TNIK: variants seen among roughly 807,000 people sequenced by gnomAD.
TNIK encodes TRAF2 and NCK interacting kinase, also known as TRAF2 and NCK-interacting protein kinase.
In TNIK, 49 loss-of-function variants were observed where a neutral mutation model predicts 191.3. That is an observed-to-expected ratio of 0.26 (90% CI 0.20 to 0.32). The LOEUF (loss-of-function observed/expected upper bound fraction) is 0.32, where lower values mean the gene tolerates loss of function less well. TNIK is among the 10% of genes least tolerant of loss of function. TNIK has a pLI of 1.00. For synonymous variants in TNIK, 594 were observed against 600.9 expected, an observed-to-expected ratio of 0.99 and a Z score of 0.17; for missense variants, 1,155 against 1,702.3, an observed-to-expected ratio of 0.68 and a Z score of 5.66.
In TNIK at chr3:171,377,818, C is replaced by T. The variant is rs200846249; in HGVS notation, c.58-8133G>A. 1.4e-3 allele frequency among the ~76,000 whole-genome samples: 207 copies of T among 152,334 alleles called. 1 individual carries two copies. The highest frequency in any genetic ancestry group is 4.7e-3 in the African/African-American group (194 of 41,584). Reference sequence around the variant, plus strand: ...GGCAGTGCTTAATAAATAATGGCTACAGACATACTGCTCTTGCTGGTGGTA... The same window carrying T: ...GGCAGTGCTTAATAAATAATGGCTATAGACATACTGCTCTTGCTGGTGGTA... On this transcript the variant is annotated intron_variant, in intron 1 of 32. Transcript: ENST00000436636.
At chr3:171,374,620 G>T (rs990341076) in intron 1 of TNIK, among the ~76,000 whole-genome samples, 1 of 152,122 alleles carries the variant, frequency 6.6e-6, no homozygotes, top group Non-Finnish European at 1.5e-5. Context: ...TTGCTGGGAG[G>T]GTGAGAAGAG....
At chr3:171,326,642 A>G (rs1268838759) in intron 2 of TNIK, among the ~76,000 whole-genome samples, 2 of 152,254 alleles carry the variant, frequency 1.3e-5, no homozygotes, top group Non-Finnish European at 2.9e-5. Context: ...TTGCTGCACC[A>G]GAATTTCTAA....
At chr3:171,454,218 C>T (rs1289878917) in intron 1 of TNIK, among the ~76,000 whole-genome samples, 3 of 152,144 alleles carry the variant, frequency 2.0e-5, no homozygotes, top group Non-Finnish European at 4.4e-5. Flanking sequence ...GCATGGCGGC[C>T]ATGATTCAAT....
At chr3:171,161,189 T>C in intron 11 of TNIK, 81 bp downstream of exon 11, 1 of 1,468,406 alleles carries the variant, frequency 6.8e-7, no homozygotes, top group Non-Finnish European at 9.4e-7. Flanking sequence ...AAAACGAACC[T>C]ATAAATCAAA....
intron 26 of TNIK, among the ~76,000 whole-genome samples, chr3:171,083,573 C>T (rs924682413): frequency 2.2e-4 from 33 of 152,108 alleles, no homozygotes; most frequent in Non-Finnish European, 3.5e-4. Context: ...ATCTTTTTCA[C>T]GAGAAAATGC....
intron 8 of TNIK, among the ~76,000 whole-genome samples, chr3:171,175,936 T>G (rs1341334978): frequency 2.6e-5 from 4 of 152,210 alleles, no homozygotes; most frequent in Non-Finnish European, 4.4e-5. Context: ...CCCAGAGGAT[T>G]AAGTCACACA....
chr3:171,059,541 T>G lies in TNIK; in HGVS notation c.*4340A>C, dbSNP rs985971022. Among the ~76,000 whole-genome samples, 1 of 152,164 alleles carries G rather than the reference T, an allele frequency of 6.6e-6. No individual in the cohort carries two copies. Among genetic ancestry groups the G allele is most frequent in the Non-Finnish European group, 1.5e-5 (1 of 68,006 alleles). ...AAAATGTTTGGTAGGAATATACAAA[T>G]TGTCAGTTTTGAACTTGCAAATTCT... On this transcript the variant is annotated 3_prime_UTR_variant, in exon 33 of 33. Transcript: ENST00000436636.
chr3:171,072,179 C>T (rs905493200), intron 28 of TNIK, among the ~76,000 whole-genome samples: 2 of 152,100 alleles, frequency 1.3e-5, no homozygotes, highest in African/African-American at 2.4e-5. Flanking sequence ...GATTCTAATT[C>T]TTAGAGAATT....
chr3:171,368,989 A>T (rs955423788), intron 2 of TNIK, among the ~76,000 whole-genome samples: 3 of 151,226 alleles, frequency 2.0e-5, no homozygotes, highest in Non-Finnish European at 4.4e-5. Flanking sequence ...ATTTTCAACC[A>T]GCCATTTTTC....
rs1486791169 is a variant in TNIK, at chr3:171,172,741, A to G, written c.773+2511T>C. Among the ~76,000 whole-genome samples the G allele has an allele frequency of 2.0e-5, 3 of 152,264 alleles. No homozygotes were observed. In the East Asian group the frequency reaches 5.8e-4, roughly 29 times the overall value. ...TTACTTTTCCTTTCCCTGTCTGACA[A>G]TATGGGACTTGTTCCCATAGCTTTC... is the stretch of plus-strand genomic sequence containing the variant. On this transcript the variant is annotated intron_variant, in intron 9 of 32. Coordinates refer to ENST00000436636, the MANE Select transcript of TNIK (RefSeq NM_015028.4).
chr3:171,118,210 A>G (rs932217746), intron 18 of TNIK, among the ~76,000 whole-genome samples: 3 of 152,322 alleles, frequency 2.0e-5, no homozygotes, highest in African/African-American at 4.8e-5. Flanking sequence ...AGAATAAAAT[A>G]CCTAGGAATC....
chr3:171,408,565 C>A (rs1223587679), intron 1 of TNIK, among the ~76,000 whole-genome samples: 1 of 152,200 alleles, frequency 6.6e-6, no homozygotes, highest in Non-Finnish European at 1.5e-5. Flanking sequence ...CAGCATCTGG[C>A]ATCATTGACT....
chr3:171,097,517 T>C (rs1722884318), intron 22 of TNIK, among the ~76,000 whole-genome samples: 1 of 152,178 alleles, frequency 6.6e-6, no homozygotes, highest in Non-Finnish European at 1.5e-5. Context: ...TGGGAGGTAA[T>C]TGAATCATGG....
chr3:171,132,103 C>T (rs1038453296), intron 15 of TNIK, among the ~76,000 whole-genome samples: 2 of 152,194 alleles, frequency 1.3e-5, no homozygotes, highest in South Asian at 2.1e-4. Context: ...CAACTGCCTG[C>T]TTCCAAGAAG....
Position 171,123,681 on chromosome 3 carries a change from T to C in TNIK, c.2035A>G (p.Ile679Val), listed in dbSNP as rs1357680030. 1.3e-6 allele frequency: 2 copies of C among 1,572,618 alleles called. No individual in the cohort carries two copies. The highest frequency in any genetic ancestry group is 2.3e-5 in the East Asian group (1 of 43,546). Residue 679 changes from isoleucine to valine, a missense_variant, in exon 18 of 33, where the codon ATA becomes GTA. Transcript: ENST00000436636. The part of the protein sequence containing the change: ...PPKVPQRTTS[I>V]SPALARKNSP... ...TTCTTTCTGGCTAATGCTGGGGATA[T>C]AGAAGTTGTTCTTTGAGGCACCTGG...
chr3:171,292,916 C>T (rs917066353), intron 2 of TNIK, among the ~76,000 whole-genome samples: 1 of 151,968 alleles, frequency 6.6e-6, no homozygotes, highest in Admixed American at 6.6e-5. Flanking sequence ...TAGACTCTTT[C>T]TTCTTGCCAC....
intron 2 of TNIK, among the ~76,000 whole-genome samples, chr3:171,358,638 A>G (rs1023721323): frequency 1.3e-5 from 2 of 152,298 alleles, no homozygotes; most frequent in African/African-American, 4.8e-5. Context: ...GTGGACTTCT[A>G]CCTGAGAAGG....
At chr3:171,225,605 T>C (rs1440938952) in intron 3 of TNIK, 1 of 456,572 alleles carries the variant, frequency 2.2e-6, no homozygotes. Flanking sequence ...AGATGCTTAA[T>C]GAAACCCAGT....
At chr3:171,246,371 A>G (rs373725755) in intron 2 of TNIK, among the ~76,000 whole-genome samples, 36 of 152,276 alleles carry the variant, frequency 2.4e-4, no homozygotes, top group African/African-American at 8.7e-4. Context: ...GCTGGAAATA[A>G]TAGATAGTCT....
Sources: gnomAD v4.1 joint callset for allele counts (sites outside exome capture counted in the v4.1 genomes callset) on GRCh38, gnomAD v4.1.1 for gene constraint, MANE v1.5 for transcripts, NCBI Gene and HGNC (gene_info 2026-07-23, HGNC 2026-07-21) for gene names.